The following FIP1L1 variants were observed in gnomAD, a reference collection of about 807,000 sequenced individuals.
FIP1L1 encodes the protein factor interacting with PAPOLA and CPSF1, also known as pre-mRNA 3'-end-processing factor FIP1.
In FIP1L1, 21 loss-of-function variants were observed where a neutral mutation model predicts 84.6. The observed-to-expected ratio is 0.25, with a 90% CI of 0.18 to 0.36. The LOEUF is 0.36. Among genes scored for constraint, FIP1L1 ranks in the 10% least tolerant of loss-of-function variants. The pLI, the probability that FIP1L1 is intolerant of heterozygous loss-of-function variation, is 1.00. For missense variants in FIP1L1, 526 were observed against 751.1 expected (o/e 0.70, Z 3.50); for synonymous variants, 263 against 242.3 (o/e 1.09, Z -0.80).
At chr4:53,402,116 A>G (rs1411085382) in intron 10 of FIP1L1, among the ~76,000 whole-genome samples, 1 of 152,226 alleles carries the variant, frequency 6.6e-6, no homozygotes, top group Non-Finnish European at 1.5e-5. Flanking sequence ...GAGAAATGTC[A>G]GCTATCAAAT....
At chr4:53,407,040 G>A (rs1753953135) in intron 10 of FIP1L1, among the ~76,000 whole-genome samples, 2 of 152,096 alleles carry the variant, frequency 1.3e-5, no homozygotes, top group African/African-American at 2.4e-5. Flanking sequence ...GTTATTTCTT[G>A]CCTTCTGCTA....
At chr4:53,453,515 C>T (rs1717235231) in intron 16 of FIP1L1, among the ~76,000 whole-genome samples, 1 of 152,114 alleles carries the variant, frequency 6.6e-6, no homozygotes, top group African/African-American at 2.4e-5. Context: ...GCTTTGTCAT[C>T]CAGGCTGGCT....
chr4:53,398,118 A>G (rs954364467), intron 9 of FIP1L1, among the ~76,000 whole-genome samples: 5 of 151,920 alleles, frequency 3.3e-5, no homozygotes, highest in African/African-American at 4.8e-5. Context: ...GTTTTTTCCT[A>G]AGGTCCAGGA....
intron 13 of FIP1L1, among the ~76,000 whole-genome samples, chr4:53,432,952 T>C (rs1009439555): frequency 6.6e-6 from 1 of 152,136 alleles, no homozygotes; most frequent in African/African-American, 2.4e-5. Flanking sequence ...TTAGGGAGAT[T>C]ATAAGGAACA....
chr4:53,422,699 T>G (rs1762846926), intron 11 of FIP1L1, among the ~76,000 whole-genome samples: 1 of 151,270 alleles, frequency 6.6e-6, no homozygotes, highest in South Asian at 2.1e-4. Context: ...GCAGCTGAGA[T>G]ATATATATAT....
rs1735272310 is a variant in FIP1L1 at position 53,377,672 on chromosome 4, T to TTCA, written c.-164_-162dup. Reference sequence around the variant, plus strand: ...GCGCAGACGGACCTGCGCTGGAGGCTTCATCTTTGCCGCCGCTGCCGTCGC... The same window carrying TTCA: ...GCGCAGACGGACCTGCGCTGGAGGCTTCATCATCTTTGCCGCCGCTGCCGTCGC... On this transcript the variant is annotated 5_prime_UTR_variant, in exon 1 of 18. Transcript: ENST00000337488. 2 of 612,130 alleles carry TTCA rather than the reference T, an allele frequency of 3.3e-6. No homozygotes were observed. The highest frequency in any genetic ancestry group is 5.4e-6 in the Non-Finnish European group (2 of 367,386). 37.9% of individuals were successfully genotyped at this position (612,130 alleles called of 1,614,324 possible). A position where few individuals can be genotyped will look rare whatever the true frequency, so the allele number is the denominator to read the frequency against.
At chr4:53,388,157 C>CTAAGTGACAGTGCAAATG (rs1356617137) in intron 5 of FIP1L1, among the ~76,000 whole-genome samples, 2 of 152,050 alleles carry the variant, frequency 1.3e-5, no homozygotes. Context: ...GCAAATGTAA[C>CTAAGTGACAGTGCAAATG]TAAACCTAAG....
At chr4:53,458,191 TTG>T (rs1229911440) in intron 16 of FIP1L1, among the ~76,000 whole-genome samples, 1 of 152,172 alleles carries the variant, frequency 6.6e-6, no homozygotes, top group East Asian at 1.9e-4. Flanking sequence ...TTTGTAGTAA[TTG>T]TGAGTCGTGT....
intron 9 of FIP1L1, among the ~76,000 whole-genome samples, chr4:53,392,990 A>C (rs932093234): frequency 2.0e-5 from 3 of 152,212 alleles, no homozygotes; most frequent in East Asian, 1.9e-4. Context: ...TGTATTAAGA[A>C]TATGTGTGGC....
intron 3 of FIP1L1, among the ~76,000 whole-genome samples, chr4:53,381,214 G>T (rs1226785974): frequency 6.6e-6 from 1 of 152,126 alleles, no homozygotes; most frequent in African/African-American, 2.4e-5. Context: ...AAAAGAGTAG[G>T]CCTATTGAAG....
intron 3 of FIP1L1, among the ~76,000 whole-genome samples, chr4:53,380,065 G>A (rs1736978961): frequency 6.6e-6 from 1 of 152,200 alleles, no homozygotes; most frequent in South Asian, 2.1e-4. Context: ...GTAAAATGGT[G>A]CAGCTGCTTT....
chr4:53,397,357 A>G (rs1426286466), intron 9 of FIP1L1, among the ~76,000 whole-genome samples: 2 of 152,180 alleles, frequency 1.3e-5, no homozygotes, highest in Non-Finnish European at 2.9e-5. Context: ...AGTGATCACC[A>G]GAGAGTGAGC....
At chr4:53,415,841 A>G (rs1312288786) in intron 11 of FIP1L1, among the ~76,000 whole-genome samples, 5 of 152,162 alleles carry the variant, frequency 3.3e-5, no homozygotes, top group Non-Finnish European at 7.4e-5. Flanking sequence ...TCTAAACTGT[A>G]AGTCTAGCAA....
chr4:53,407,688 TG>T (rs1754462811), intron 10 of FIP1L1, among the ~76,000 whole-genome samples: 1 of 152,198 alleles, frequency 6.6e-6, no homozygotes, highest in Non-Finnish European at 1.5e-5. Flanking sequence ...TGATTCTGGG[TG>T]CATATATATT....
chr4:53,458,634 A>G lies in FIP1L1; in HGVS notation c.1500-19A>G. Reference sequence around the variant, plus strand: ...TTAATGGTCCAGTTGTCAAGAAAACATTTCTATTTCAATTTCAGCGATGAA... The same window carrying G: ...TTAATGGTCCAGTTGTCAAGAAAACGTTTCTATTTCAATTTCAGCGATGAA... On this transcript the variant is annotated intron_variant, in intron 16 of 17. Transcript: ENST00000337488. The G allele has an allele frequency of 1.2e-6, 2 of 1,605,394 alleles. No individual in the cohort carries two copies. Among genetic ancestry groups the G allele is most frequent in the Non-Finnish European group, 1.7e-6 (2 of 1,175,680 alleles).
chr4:53,407,791 G>A (rs534155191), intron 10 of FIP1L1, among the ~76,000 whole-genome samples: 1 of 152,222 alleles, frequency 6.6e-6, no homozygotes, highest in East Asian at 1.9e-4. Flanking sequence ...TTTAAAGTCT[G>A]TTTTATCAGA....
chr4:53,406,236 G>C (rs202026968), intron 10 of FIP1L1, among the ~76,000 whole-genome samples: 7,078 of 152,218 alleles, frequency 0.046, 332 homozygotes, highest in South Asian at 0.2. Flanking sequence ...GTTGAATTTT[G>C]TCAAAGGCCT....
At chr4:53,434,471 ATTT>A (rs35389500) in intron 13 of FIP1L1, among the ~76,000 whole-genome samples, 2 of 142,450 alleles carry the variant, frequency 1.4e-5, no homozygotes, top group Non-Finnish European at 1.5e-5. Flanking sequence ...ATCTTAGTAA[ATTT>A]TTTTTTTTTT....
At chr4:53,424,750 G>T (rs1180295930) in intron 11 of FIP1L1, among the ~76,000 whole-genome samples, 8 of 152,038 alleles carry the variant, frequency 5.3e-5, no homozygotes, top group Admixed American at 4.6e-4. Context: ...TTCCTCAAAG[G>T]TCTTGCTGGA....
Sources: gnomAD v4.1 joint callset for allele counts (sites outside exome capture counted in the v4.1 genomes callset) on GRCh38, gnomAD v4.1.1 for gene constraint, MANE v1.5 for transcripts, NCBI Gene and HGNC (gene_info 2026-07-23, HGNC 2026-07-21) for gene names.